PRLR: variants seen among roughly 807,000 people sequenced by gnomAD.
The protein encoded by PRLR is hPRL receptor.
PRLR carries 13 observed loss-of-function variants against 40.2 expected under a neutral mutation model. That is an observed-to-expected ratio of 0.32 (90% CI 0.21 to 0.51). PRLR has a LOEUF of 0.51. Among genes scored for constraint, PRLR ranks in the 20% least tolerant of loss-of-function variants. The probability of loss-of-function intolerance (pLI) is 0.97; values close to 1 mark genes in which losing one functional copy is unlikely to be tolerated. For synonymous variants in PRLR, 269 were observed against 278.7 expected, an observed-to-expected ratio of 0.97 and a Z score of 0.35; for missense variants, 656 against 747.3, an observed-to-expected ratio of 0.88 and a Z score of 1.42.
intron 5 of PRLR, among the ~76,000 whole-genome samples, chr5:35,079,120 A>T (rs558284662): frequency 6.6e-4 from 100 of 152,294 alleles, no homozygotes; most frequent in African/African-American, 2.2e-3. Flanking sequence ...GGGCAAAAAC[A>T]GGAAGCATTC....
At chr5:35,193,162 C>T (rs1222082222) in intron 1 of PRLR, among the ~76,000 whole-genome samples, 1 of 152,168 alleles carries the variant, frequency 6.6e-6, no homozygotes, top group East Asian at 1.9e-4. Flanking sequence ...CCCATCTCTA[C>T]CATCTGTGTC....
chr5:35,074,449 C>T (rs780407518), intron 5 of PRLR, among the ~76,000 whole-genome samples: 4 of 145,052 alleles, frequency 2.8e-5, no homozygotes, highest in Non-Finnish European at 4.5e-5. Context: ...GTGACAAGAG[C>T]GAAACTCCAT....
intron 1 of PRLR, among the ~76,000 whole-genome samples, chr5:35,157,332 T>A (rs2111890084): frequency 6.6e-6 from 1 of 152,274 alleles, no homozygotes; most frequent in African/African-American, 2.4e-5. Flanking sequence ...TGACTTCCTA[T>A]GGAAGGCCTA....
chr5:35,197,824 C>T (rs1283796400), intron 1 of PRLR, among the ~76,000 whole-genome samples: 2 of 152,234 alleles, frequency 1.3e-5, no homozygotes, highest in Non-Finnish European at 2.9e-5. Context: ...GCATTTTCTC[C>T]CCACTTGGGT....
rs999379307 is a variant in PRLR at position 35,060,540 on chromosome 5, C to G, written c.*4549G>C. ...AGGTCTTAGAAACCTTTTAGGCCAACCTACTTATTTAACAAGTAAGGAACC... is the reference window on the plus strand; with the variant it reads ...AGGTCTTAGAAACCTTTTAGGCCAAGCTACTTATTTAACAAGTAAGGAACC... On this transcript the variant is annotated 3_prime_UTR_variant, in exon 10 of 10. Transcript: ENST00000618457. 1.3e-5 allele frequency: 2 copies of G among 152,174 alleles called. No individual in the cohort carries two copies. Among genetic ancestry groups the G allele is most frequent in the African/African-American group, 2.4e-5 (1 of 41,440 alleles). The allele number at this position is 152,174 out of a possible 1,614,324, so 9.4% of individuals were successfully genotyped here. A position where few individuals can be genotyped will look rare whatever the true frequency, so the allele number is the denominator to read the frequency against.
intron 3 of PRLR, among the ~76,000 whole-genome samples, chr5:35,087,211 T>C (rs1421419803): frequency 2.6e-5 from 4 of 152,038 alleles, no homozygotes; most frequent in Non-Finnish European, 4.4e-5. Flanking sequence ...AGGCTGGTCT[T>C]GAACTCCTGA....
intron 5 of PRLR, among the ~76,000 whole-genome samples, chr5:35,083,519 C>CTTTTTT (rs1469153683): frequency 6.9e-6 from 1 of 144,756 alleles, no homozygotes; most frequent in African/African-American, 2.6e-5. Context: ...TCTTTCTTTT[C>CTTTTTT]TTTTCTTTTT....
At chr5:35,154,898 A>G (rs2111878921) in intron 1 of PRLR, among the ~76,000 whole-genome samples, 1 of 152,216 alleles carries the variant, frequency 6.6e-6, no homozygotes, top group Middle Eastern at 3.4e-3. Flanking sequence ...CAGAAAACCA[A>G]ACACTACATG....
At chr5:35,163,481 T>A (rs188529559) in intron 1 of PRLR, among the ~76,000 whole-genome samples, 72 of 152,238 alleles carry the variant, frequency 4.7e-4, no homozygotes, top group African/African-American at 1.7e-3. Flanking sequence ...TAATGACAAG[T>A]GAATTGTGCA....
At chr5:35,048,857 T>G (rs1768374042) in exon 9 of PRLR, 1 of 285,204 alleles carries the variant, frequency 3.5e-6, no homozygotes, top group Non-Finnish European at 7.1e-6. Flanking sequence ...TACATGGCAG[T>G]GCCTAAGGGG....
Position 35,089,259 on chromosome 5 carries a change from T to A in PRLR, c.70+292A>T, listed in dbSNP as rs199976036. Among the ~76,000 whole-genome samples, 12 of 152,360 alleles carry A rather than the reference T, an allele frequency of 7.9e-5. No individual in the cohort carries two copies. In the East Asian group the frequency reaches 2.3e-3, roughly 29 times the overall value. On this transcript the variant is annotated intron_variant, in intron 3 of 9. Transcript: ENST00000618457. ...GGTAATTGGCTCTAGGTCACACAGC[T>A]AGAAACTGGCAGGACCTGGATTAGA...
At chr5:35,143,791 G>T (rs537425922) in intron 1 of PRLR, among the ~76,000 whole-genome samples, 2 of 151,972 alleles carry the variant, frequency 1.3e-5, no homozygotes, top group East Asian at 3.9e-4. Flanking sequence ...ATGTATTCAC[G>T]CATTTCTAAG....
chr5:35,110,873 C>G (rs1180058367), intron 2 of PRLR, among the ~76,000 whole-genome samples: 2 of 152,204 alleles, frequency 1.3e-5, no homozygotes, highest in Non-Finnish European at 2.9e-5. Context: ...TCAGATTACC[C>G]TCTTTCAGGC....
At position 35,191,366 on chromosome 5, in the gene PRLR, G is replaced by A. The variant is rs981426693; in HGVS notation, c.-106+38902C>T. 7.6e-4 allele frequency among the ~76,000 whole-genome samples: 67 copies of A among 87,636 alleles called. 10 individuals carry two copies. The highest frequency in any genetic ancestry group is 2.5e-3 in the African/African-American group (63 of 24,750). The allele number at this position is 87,636 out of a possible 152,430, so 57.5% of individuals were successfully genotyped here. On this transcript the variant is annotated intron_variant, in intron 1 of 9. Coordinates refer to ENST00000618457, the MANE Select transcript of PRLR (RefSeq NM_000949.7). ...ATTACAGGCGTGAGCCACCGCGCCCGGCCCAGATGTGTTATTTTCAAGAAA... is the reference window on the plus strand; with the variant it reads ...ATTACAGGCGTGAGCCACCGCGCCCAGCCCAGATGTGTTATTTTCAAGAAA...
At chr5:35,104,697 T>C (rs1772114834) in intron 2 of PRLR, among the ~76,000 whole-genome samples, 1 of 152,134 alleles carries the variant, frequency 6.6e-6, no homozygotes. Flanking sequence ...TTGCTGAGGC[T>C]TGACTAGGTA....
At chr5:35,133,764 C>G (rs1209525555) in intron 1 of PRLR, among the ~76,000 whole-genome samples, 2 of 152,098 alleles carry the variant, frequency 1.3e-5, no homozygotes, top group Non-Finnish European at 2.9e-5. Context: ...AATGAAGAAC[C>G]TGTGGGCTAC....
At chr5:35,227,716 T>C (rs1776586361) in intron 1 of PRLR, among the ~76,000 whole-genome samples, 1 of 152,174 alleles carries the variant, frequency 6.6e-6, no homozygotes, top group African/African-American at 2.4e-5. Context: ...CAGGACCCCA[T>C]GGAGAGAGAG....
chr5:35,107,761 G>C (rs1772364830), intron 2 of PRLR, among the ~76,000 whole-genome samples: 1 of 152,128 alleles, frequency 6.6e-6, no homozygotes, highest in South Asian at 2.1e-4. Flanking sequence ...AAAAGTCCAG[G>C]AGCAGACGGA....
rs1249302922 is a variant in PRLR, at chr5:35,064,461, AG to A, written c.*627del. The A allele has an allele frequency of 6.6e-6, 1 of 152,606 alleles. No homozygotes were observed. Among genetic ancestry groups the A allele is most frequent in the African/African-American group, 2.4e-5 (1 of 41,468 alleles). 9.5% of individuals were successfully genotyped at this position (152,606 alleles called of 1,614,324 possible). ...TTATAGAAGCTTTAGAGTAGAATTT[AG>A]GGGGAAAATCCATGCTTAACATATC... On this transcript the variant is annotated 3_prime_UTR_variant, in exon 10 of 10. Transcript: ENST00000618457.
Sources: allele counts gnomAD v4.1 joint callset (sites outside exome capture counted in the v4.1 genomes callset), GRCh38; gene constraint gnomAD v4.1.1; transcripts MANE v1.5; gene names NCBI Gene and HGNC (gene_info 2026-07-23, HGNC 2026-07-21).